TENM3: variants seen among roughly 807,000 people sequenced by gnomAD.
The protein encoded by TENM3 is teneurin transmembrane protein 3, also known as teneurin-3.
TENM3 carries 63 observed loss-of-function variants against 255.1 expected under a neutral mutation model. The observed-to-expected ratio is 0.25, with a 90% confidence interval of 0.20 to 0.30. The LOEUF (loss-of-function observed/expected upper bound fraction) is 0.30, where lower values mean the gene tolerates loss of function less well. TENM3 is among the 10% of genes least tolerant of loss of function. The pLI is 1.00. For synonymous variants in TENM3, 1,306 were observed against 1,322.3 expected, an observed-to-expected ratio of 0.99 and a Z score of 0.27; for missense variants, 2,929 against 3,461.1, an observed-to-expected ratio of 0.85 and a Z score of 3.86.
At chr4:182,673,543 G>A (rs191612680) in intron 7 of TENM3, among the ~76,000 whole-genome samples, 50 of 152,252 alleles carry the variant, frequency 3.3e-4, no homozygotes, top group African/African-American at 1.1e-3. Flanking sequence ...GATAATTTCC[G>A]ATGATCTTAT....
chr4:182,046,306 G>C, the TENM3 span, among the ~76,000 whole-genome samples: 1 of 151,886 alleles, frequency 6.6e-6, no homozygotes, highest in Non-Finnish European at 1.5e-5. Context: ...TTATATCTCA[G>C]TTTCTTAATC....
chr4:182,094,942 A>T, the TENM3 span, among the ~76,000 whole-genome samples: 3 of 64,410 alleles, frequency 4.7e-5, no homozygotes, highest in African/African-American at 1.4e-4. Context: ...AATAGAAGGT[A>T]AAAAAAAAAA....
intron 3 of TENM3, among the ~76,000 whole-genome samples, chr4:182,377,986 A>G (rs1247567245): frequency 6.6e-6 from 1 of 152,156 alleles, no homozygotes; most frequent in Non-Finnish European, 1.5e-5. Context: ...TCAAGCAGAC[A>G]TTGATGGATG....
the TENM3 span, among the ~76,000 whole-genome samples, chr4:182,118,202 T>C: frequency 6.6e-6 from 1 of 152,142 alleles, no homozygotes; most frequent in Non-Finnish European, 1.5e-5. Flanking sequence ...TTTCAGATCC[T>C]ATGCAGACAA....
chr4:181,890,729 G>C, the TENM3 span, among the ~76,000 whole-genome samples: 1 of 151,946 alleles, frequency 6.6e-6, no homozygotes, highest in East Asian at 1.9e-4. Context: ...TACTTAAAGG[G>C]GCCCCAACCA....
Position 182,247,397 on chromosome 4 carries a change from A to G in TENM3, c.-76+3921A>G, listed in dbSNP as rs76855465. Reference sequence around the variant, plus strand: ...GAAGCATTACACAGATGATGGTTCCATAGAGTGGCCCTCAGACCATTGAAA... The same window carrying G: ...GAAGCATTACACAGATGATGGTTCCGTAGAGTGGCCCTCAGACCATTGAAA... On this transcript the variant is annotated intron_variant, in intron 1 of 27. Coordinates refer to ENST00000511685, the MANE Select transcript of TENM3 (RefSeq NM_001080477.4). Among the ~76,000 whole-genome samples, 194 of 152,330 alleles carry G rather than the reference A, an allele frequency of 1.3e-3. 1 individual carries two copies. Among genetic ancestry groups the G allele is most frequent in the African/African-American group, 4.4e-3 (181 of 41,578 alleles).
intron 3 of TENM3, among the ~76,000 whole-genome samples, chr4:182,580,232 G>A (rs1054719536): frequency 1.1e-4 from 16 of 152,206 alleles, no homozygotes; most frequent in African/African-American, 3.1e-4. Context: ...ATAATGTAGT[G>A]TAATGCTATT....
chr4:182,198,200 G>C (rs967730892), intron 1 of TENM3, among the ~76,000 whole-genome samples: 2 of 152,098 alleles, frequency 1.3e-5, no homozygotes, highest in Non-Finnish European at 2.9e-5. Context: ...GTTTACTCTG[G>C]GCAACAATAT....
chr4:182,725,706 G>T (rs1265744955), intron 13 of TENM3, among the ~76,000 whole-genome samples: 3 of 147,340 alleles, frequency 2.0e-5, no homozygotes, highest in Non-Finnish European at 4.5e-5. Context: ...CGCGATCTCG[G>T]CTCACTGCGA....
chr4:182,252,050 G>C (rs2150120290), intron 1 of TENM3, among the ~76,000 whole-genome samples: 1 of 152,136 alleles, frequency 6.6e-6, no homozygotes, highest in Non-Finnish European at 1.5e-5. Flanking sequence ...GGGTGTGGTG[G>C]TACATGCCTG....
Position 182,335,306 on chromosome 4 carries a change from GT to G in TENM3, c.232+11055del, listed in dbSNP as rs1326217571. ...GAGGTCAGGAGATCGAGACCATCCT[GT>G]GAATGGTGAAACCCCGTCTCTACTA... is the stretch of plus-strand genomic sequence containing the variant. On this transcript the variant is annotated intron_variant, in intron 2 of 27. Transcript: ENST00000511685. Among the ~76,000 whole-genome samples, 13 of 89,412 alleles carry G rather than the reference GT, an allele frequency of 1.5e-4. 1 individual carries two copies. The highest frequency in any genetic ancestry group is 2.4e-4 in the Non-Finnish European group (10 of 41,506). The allele number at this position is 89,412 out of a possible 152,430, so 58.7% of individuals were successfully genotyped here.
intron 17 of TENM3, among the ~76,000 whole-genome samples, chr4:182,737,770 T>C (rs1761284347): frequency 6.6e-6 from 1 of 152,240 alleles, no homozygotes. Context: ...TAATAGGTAA[T>C]TTGGATTTGA....
At position 182,738,555 on chromosome 4, in the gene TENM3, G is replaced by C. The variant is rs1316527589; in HGVS notation, c.3379+11G>C. On this transcript the variant is annotated intron_variant, in intron 18 of 27. Transcript: ENST00000511685. ...TGGATGTACAGAACGGTAAGCTCTT[G>C]TTCATAGATAACTGATGTTGTAATG... 6.2e-7 allele frequency: 1 copy of C among 1,604,508 alleles called. No individual in the cohort carries two copies.
intron 1 of TENM3, among the ~76,000 whole-genome samples, chr4:182,303,861 T>C (rs984087772): frequency 2.6e-5 from 4 of 152,212 alleles, no homozygotes; most frequent in African/African-American, 9.6e-5. Context: ...CTCAGATTAA[T>C]TGTATGTGTT....
At chr4:182,393,018 A>G (rs923864041) in intron 3 of TENM3, among the ~76,000 whole-genome samples, 2 of 152,202 alleles carry the variant, frequency 1.3e-5, no homozygotes. Flanking sequence ...AAGTAAAGAA[A>G]ATGTCGGTTT....
chr4:182,219,620 G>A (rs993502705), intron 1 of TENM3, among the ~76,000 whole-genome samples: 11 of 150,880 alleles, frequency 7.3e-5, no homozygotes, highest in African/African-American at 1.5e-4. Context: ...AGTCATCATC[G>A]CGCCACTGCA....
the TENM3 span, among the ~76,000 whole-genome samples, chr4:182,075,202 T>TTTTC: frequency 2.6e-4 from 37 of 143,572 alleles, no homozygotes; most frequent in African/African-American, 8.5e-4. Context: ...TTTTTTTTCT[T>TTTTC]TTTTTTTTTT....
chr4:181,577,203 A>ATTATATTATAT, the TENM3 span, among the ~76,000 whole-genome samples: 1 of 127,902 alleles, frequency 7.8e-6, no homozygotes, highest in African/African-American at 2.9e-5. Context: ...TATATTATAT[A>ATTATATTATAT]TATATATTTT....
In TENM3 at chr4:182,342,647, C is replaced by T. The variant is rs1017843968; in HGVS notation, c.233-4004C>T. Among the ~76,000 whole-genome samples, 11 of 152,130 alleles carry T rather than the reference C, an allele frequency of 7.2e-5. No individual in the cohort carries two copies. The South Asian group carries it at 1.0e-3, about 14-fold the overall frequency. Reference sequence around the variant, plus strand: ...GTATGTGAGTTATGTTTCAATAAAACTGTTTGTTTTTTTAAAGGAACAAAC... The same window carrying T: ...GTATGTGAGTTATGTTTCAATAAAATTGTTTGTTTTTTTAAAGGAACAAAC... On this transcript the variant is annotated intron_variant, in intron 2 of 27. Coordinates refer to ENST00000511685, the MANE Select transcript of TENM3 (RefSeq NM_001080477.4).
Sources: allele counts gnomAD v4.1 joint callset (sites outside exome capture counted in the v4.1 genomes callset), GRCh38; gene constraint gnomAD v4.1.1; transcripts MANE v1.5; gene names NCBI Gene and HGNC (gene_info 2026-07-23, HGNC 2026-07-21).